The following SEPTIN9 variants were observed in gnomAD, a reference collection of about 807,000 sequenced individuals.
SEPTIN9 encodes septin 9.
Under a neutral mutation model 56.6 loss-of-function variants are expected in SEPTIN9, and 13 were observed. That is an observed-to-expected ratio of 0.23 (90% CI 0.15 to 0.37). The LOEUF is 0.37. Ranked by LOEUF, SEPTIN9 falls within the 10% of genes least tolerant of loss-of-function variation. The probability of loss-of-function intolerance (pLI) is 1.00; values close to 1 mark genes in which losing one functional copy is unlikely to be tolerated. For synonymous variants in SEPTIN9, 332 were observed against 334.1 expected (o/e 0.99, Z 0.07); for missense variants, 650 against 823.1 (o/e 0.79, Z 2.57).
Position 77,499,107 on chromosome 17 carries a change from C to T in SEPTIN9, c.*449C>T, listed in dbSNP as rs1389295352. 1.9e-6 allele frequency: 1 copy of T among 536,102 alleles called. No individual in the cohort carries two copies. Among genetic ancestry groups the T allele is most frequent in the East Asian group, 3.9e-5 (1 of 25,682 alleles). The allele number at this position is 536,102 out of a possible 1,614,324, so 33.2% of individuals were successfully genotyped here. ...CCCTGTCCCCTGGAGTGTGTCAGAG[C>T]CCAGGGGAGAATGCAGCCCACCAGG... is the stretch of plus-strand genomic sequence containing the variant. On this transcript the variant is annotated 3_prime_UTR_variant, in exon 12 of 12. Coordinates refer to ENST00000427177, the MANE Select transcript of SEPTIN9 (RefSeq NM_001113491.2).
In SEPTIN9 at chr17:77,437,739, C is replaced by T. The variant is rs1598374983; in HGVS notation, c.721+35036C>T. ...CCCAGTAGTGGCCTGGGAGAATCAT[C>T]TGTCACGAGCCAAGGATGGAGTTTC... is the stretch of plus-strand genomic sequence containing the variant. On this transcript the variant is annotated intron_variant, in intron 3 of 11. Coordinates refer to ENST00000427177, the MANE Select transcript of SEPTIN9 (RefSeq NM_001113491.2). This position sits in a 1 kb window ranked among gnomAD's most constrained non-coding sequence, Gnocchi z 5.3. 6.6e-6 allele frequency among the ~76,000 whole-genome samples: 1 copy of T among 152,212 alleles called. No individual in the cohort carries two copies. The highest frequency in any genetic ancestry group is 6.5e-5 in the Admixed American group (1 of 15,290).
chr17:77,370,733 G>A (rs1204982678), intron 2 of SEPTIN9, among the ~76,000 whole-genome samples: 2 of 152,190 alleles, frequency 1.3e-5, no homozygotes, highest in African/African-American at 2.4e-5. Flanking sequence ...TCTGCCCAGT[G>A]CCCCTTCTGG....
intron 2 of SEPTIN9, among the ~76,000 whole-genome samples, chr17:77,384,507 C>T (rs1049209383): frequency 2.0e-5 from 3 of 151,594 alleles, no homozygotes; most frequent in East Asian, 1.9e-4. Context: ...GTAGGATTCT[C>T]GGGGAGGAAG....
intron 2 of SEPTIN9, among the ~76,000 whole-genome samples, chr17:77,370,571 G>A (rs912876200): frequency 4.6e-4 from 70 of 152,308 alleles, no homozygotes; most frequent in African/African-American, 1.6e-3. Flanking sequence ...CACTGAAGAC[G>A]CAGGCGGTCC....
chr17:77,432,906 C>G (rs1287009062), intron 3 of SEPTIN9, among the ~76,000 whole-genome samples: 2 of 152,250 alleles, frequency 1.3e-5, no homozygotes, highest in Non-Finnish European at 2.9e-5. Flanking sequence ...TGTGGTCCCC[C>G]TCCCAGGAAT....
intron 2 of SEPTIN9, among the ~76,000 whole-genome samples, chr17:77,344,742 T>C (rs917901041): frequency 2.0e-5 from 3 of 151,970 alleles, no homozygotes; most frequent in Non-Finnish European, 2.9e-5. Flanking sequence ...AAGGCCGAGG[T>C]GGGCAGATCA....
At chr17:77,334,233 T>C (rs1034050616) in intron 2 of SEPTIN9, among the ~76,000 whole-genome samples, 33 of 151,708 alleles carry the variant, frequency 2.2e-4, no homozygotes, top group Admixed American at 5.3e-4. Context: ...CCATCCTGGC[T>C]AACACGGTGA....
At chr17:77,364,318 G>A (rs539545393) in intron 2 of SEPTIN9, among the ~76,000 whole-genome samples, 1 of 152,358 alleles carries the variant, frequency 6.6e-6, no homozygotes, top group South Asian at 2.1e-4. Flanking sequence ...CGGGGTGCAT[G>A]CATTTTTATT....
intron 2 of SEPTIN9, among the ~76,000 whole-genome samples, chr17:77,316,028 T>A (rs2032691016): frequency 1.3e-5 from 2 of 152,292 alleles, no homozygotes; most frequent in South Asian, 4.1e-4. Flanking sequence ...TGGTCCAATT[T>A]GGGAAAAGGT....
At chr17:77,351,579 G>C (rs893880671) in intron 2 of SEPTIN9, among the ~76,000 whole-genome samples, 3 of 152,226 alleles carry the variant, frequency 2.0e-5, no homozygotes, top group Non-Finnish European at 4.4e-5. Context: ...GCTGCGGTCA[G>C]CAGGAAGGCT....
chr17:77,362,253 A>G (rs2034442083), intron 2 of SEPTIN9, among the ~76,000 whole-genome samples: 1 of 152,086 alleles, frequency 6.6e-6, no homozygotes, highest in Admixed American at 6.6e-5. Context: ...TGTGCTCAAG[A>G]TCTGTGGCCA....
chr17:77,373,401 G>A, intron 2 of SEPTIN9: 2 of 1,257,344 alleles, frequency 1.6e-6, no homozygotes, highest in Non-Finnish European at 2.0e-6. Context: ...CTGCAGGAGC[G>A]CGGGCGCGGC....
intron 3 of SEPTIN9, among the ~76,000 whole-genome samples, chr17:77,426,598 A>G (rs1009525507): frequency 1.3e-4 from 20 of 152,040 alleles, no homozygotes; most frequent in African/African-American, 4.8e-4. Context: ...ACGGAAGAAT[A>G]TTCACTTGTT....
At chr17:77,350,745 C>T (rs1049415967) in intron 2 of SEPTIN9, among the ~76,000 whole-genome samples, 11 of 132,268 alleles carry the variant, frequency 8.3e-5, no homozygotes, top group South Asian at 5.6e-4. Context: ...GAGGAGGAAA[C>T]GGGGGCGGGG....
At chr17:77,382,683 C>T (rs927162878) in intron 2 of SEPTIN9, among the ~76,000 whole-genome samples, 1 of 152,224 alleles carries the variant, frequency 6.6e-6, no homozygotes, top group African/African-American at 2.4e-5. Flanking sequence ...ACCAGAAAAC[C>T]TCAGAAAGGG....
At chr17:77,417,310 G>T (rs1354014275) in intron 3 of SEPTIN9, among the ~76,000 whole-genome samples, 1 of 152,222 alleles carries the variant, frequency 6.6e-6, no homozygotes, top group African/African-American at 2.4e-5. Context: ...CTCTGGAGGT[G>T]GGGAAGCTGT....
At chr17:77,406,228 C>A (rs1428003947) in intron 3 of SEPTIN9, among the ~76,000 whole-genome samples, 3 of 152,322 alleles carry the variant, frequency 2.0e-5, no homozygotes, top group South Asian at 2.1e-4. Flanking sequence ...TCAGCTCACA[C>A]CTCTCTCCTT....
intron 2 of SEPTIN9, chr17:77,373,671 C>T: frequency 7.7e-6 from 11 of 1,427,392 alleles, no homozygotes; most frequent in Non-Finnish European, 1.0e-5. Context: ...GGAGACGGGA[C>T]CCCTAATCCA....
chr17:77,312,226 C>T (rs1162125572), intron 2 of SEPTIN9, among the ~76,000 whole-genome samples: 1 of 152,188 alleles, frequency 6.6e-6, no homozygotes, highest in East Asian at 1.9e-4. Context: ...CCACTTCCCT[C>T]CCTGTGTGCT....
Sources: allele counts gnomAD v4.1 joint callset (sites outside exome capture counted in the v4.1 genomes callset), GRCh38; gene constraint gnomAD v4.1.1; non-coding constraint Gnocchi (gnomAD v3.1); transcripts MANE v1.5; gene names NCBI Gene and HGNC (gene_info 2026-07-23, HGNC 2026-07-21).